Variants in THSD7B observed in about 807,000 individuals in gnomAD.
The protein encoded by THSD7B is thrombospondin type-1 domain-containing protein 7B.
THSD7B carries 138 observed loss-of-function variants against 213.6 expected under a neutral mutation model. That is an observed-to-expected ratio of 0.65 (90% confidence interval 0.56 to 0.74). The LOEUF (loss-of-function observed/expected upper bound fraction) is 0.74. Ranked by LOEUF, THSD7B falls within the 30% of genes least tolerant of loss-of-function variation. The pLI is 0.00. For synonymous variants in THSD7B, 742 were observed against 687.0 expected (o/e 1.08, Z -1.25); for missense variants, 1,931 against 1,991.5 (o/e 0.97, Z 0.58).
chr2:137,092,321 G>A (rs1016495629), intron 3 of THSD7B, among the ~76,000 whole-genome samples: 2 of 152,044 alleles, frequency 1.3e-5, no homozygotes, highest in South Asian at 2.1e-4. Context: ...ACTGAGGTGG[G>A]AGGATCACCT....
intron 1 of THSD7B, among the ~76,000 whole-genome samples, chr2:136,805,012 A>G (rs2710176): frequency 0.032 from 4,864 of 152,272 alleles, 251 homozygotes; most frequent in African/African-American, 0.11. Flanking sequence ...GAATTGAATG[A>G]TGTTCACATA....
chr2:137,392,032 G>A (rs1462002498), intron 12 of THSD7B, among the ~76,000 whole-genome samples: 1 of 152,040 alleles, frequency 6.6e-6, no homozygotes, highest in Non-Finnish European at 1.5e-5. Context: ...TTGTTTAATT[G>A]CCATGTATTT....
intron 2 of THSD7B, among the ~76,000 whole-genome samples, chr2:136,979,837 A>G (rs1016032115): frequency 6.6e-6 from 1 of 152,276 alleles, no homozygotes; most frequent in Non-Finnish European, 1.5e-5. Flanking sequence ...CATTTGGAGA[A>G]GAGACACTCT....
At chr2:136,836,272 A>G (rs528425679) in intron 1 of THSD7B, among the ~76,000 whole-genome samples, 1 of 152,322 alleles carries the variant, frequency 6.6e-6, no homozygotes, top group African/African-American at 2.4e-5. Context: ...CTCCAACTAC[A>G]AATTGAACAA....
At chr2:136,876,874 A>T (rs1434045919) in intron 1 of THSD7B, among the ~76,000 whole-genome samples, 1 of 152,120 alleles carries the variant, frequency 6.6e-6, no homozygotes, top group Non-Finnish European at 1.5e-5. Context: ...ATGGGTAAAC[A>T]CATGTGTTTG....
At chr2:136,804,196 T>C (rs1033416695) in intron 1 of THSD7B, among the ~76,000 whole-genome samples, 1 of 152,228 alleles carries the variant, frequency 6.6e-6, no homozygotes, top group African/African-American at 2.4e-5. Context: ...GCCTTGGTCA[T>C]GTATAGCTGT....
chr2:137,398,676 C>A (rs1046020438), intron 12 of THSD7B, among the ~76,000 whole-genome samples: 1 of 152,156 alleles, frequency 6.6e-6, no homozygotes, highest in Non-Finnish European at 1.5e-5. Flanking sequence ...CCTCCTTGAG[C>A]TGTGGTGGGC....
intron 2 of THSD7B, 75 bp from the exon 3 acceptor site, chr2:137,056,345 A>T (rs995667341): frequency 1.4e-6 from 2 of 1,428,678 alleles, no homozygotes; most frequent in African/African-American, 2.8e-5. Context: ...AAAGTGTGTT[A>T]ATTGACTTCT....
At chr2:137,029,527 C>G (rs578260665) in intron 2 of THSD7B, among the ~76,000 whole-genome samples, 3 of 152,192 alleles carry the variant, frequency 2.0e-5, no homozygotes, top group South Asian at 2.1e-4. Context: ...GATATACAAA[C>G]ATACTTGTCA....
At chr2:137,024,758 C>T (rs10928588) in intron 2 of THSD7B, among the ~76,000 whole-genome samples, 10,782 of 152,072 alleles carry the variant, frequency 0.071, 778 homozygotes, top group East Asian at 0.21. Context: ...TAGTTTTCTT[C>T]ATCTCATCAA....
intron 1 of THSD7B, among the ~76,000 whole-genome samples, chr2:136,766,514 G>T (rs900713143): frequency 2.0e-5 from 3 of 152,042 alleles, no homozygotes; most frequent in Non-Finnish European, 4.4e-5. Flanking sequence ...ATAAGCAAAT[G>T]AACCCCGCTC....
At position 137,411,673 on chromosome 2, in the gene THSD7B, A is replaced by G; in HGVS notation, c.2760A>G (p.Leu920=). ...TTTACCCTCTAGTGGAGACAGAACT[A>G]TGTCCTTGTGATGAATTTATATCCC... ...SDLYPLVETE[L]CPCDEFISQP... The change falls in exon 14 of 28, where the codon CTA becomes CTG. Residue 920 remains leucine, a synonymous_variant. Coordinates refer to ENST00000409968, the MANE Select transcript of THSD7B (RefSeq NM_001316349.2). 1 of 1,613,994 alleles carries G rather than the reference A, an allele frequency of 6.2e-7. No homozygotes were observed. Among genetic ancestry groups the G allele is most frequent in the Non-Finnish European group, 8.5e-7 (1 of 1,179,898 alleles).
intron 24 of THSD7B, among the ~76,000 whole-genome samples, chr2:137,657,565 A>G (rs1295915674): frequency 6.6e-6 from 1 of 152,236 alleles, no homozygotes; most frequent in Non-Finnish European, 1.5e-5. Context: ...AGGTTAATAA[A>G]GACAAAATTT....
intron 21 of THSD7B, among the ~76,000 whole-genome samples, chr2:137,648,405 G>A (rs1252032675): frequency 2.0e-5 from 3 of 151,934 alleles, no homozygotes; most frequent in African/African-American, 7.3e-5. Context: ...CCTTGCCTCT[G>A]GTAACTACCA....
rs369841178 is a variant in THSD7B, at chr2:137,583,378, G to A, written c.3423+10822G>A. The stretch of plus-strand genomic sequence containing the variant: ...TTTGTCAATTTTGGCTTTTGTTGCC[G>A]TTGTTTTTGGTGTTTTAGACACGAA... On this transcript the variant is annotated intron_variant, in intron 17 of 27. Transcript: ENST00000409968. Among the ~76,000 whole-genome samples, 595 of 152,210 alleles carry A rather than the reference G, an allele frequency of 3.9e-3. 2 individuals carry two copies. Among genetic ancestry groups the A allele is most frequent in the African/African-American group, 0.013 (545 of 41,548 alleles).
At chr2:137,256,921 TG>T (rs1327811944) in intron 10 of THSD7B, among the ~76,000 whole-genome samples, 3 of 152,174 alleles carry the variant, frequency 2.0e-5, no homozygotes, top group Non-Finnish European at 2.9e-5. Flanking sequence ...TTCTGGAGAC[TG>T]GGAAGTTCAA....
intron 1 of THSD7B, among the ~76,000 whole-genome samples, chr2:136,844,692 A>T (rs1226154117): frequency 1.3e-5 from 2 of 152,180 alleles, no homozygotes; most frequent in Admixed American, 1.3e-4. Context: ...CTCCTTCAGG[A>T]AGGAAGCAGC....
intron 5 of THSD7B, among the ~76,000 whole-genome samples, chr2:137,115,725 T>C (rs187886471): frequency 1.3e-5 from 2 of 152,302 alleles, no homozygotes; most frequent in African/African-American, 4.8e-5. Flanking sequence ...ATCCAGGGTT[T>C]TGTCGCCAAG....
At chr2:136,780,889 C>T (rs901453058) in intron 1 of THSD7B, among the ~76,000 whole-genome samples, 12 of 152,178 alleles carry the variant, frequency 7.9e-5, no homozygotes, top group Admixed American at 5.2e-4. Flanking sequence ...CCCACACTTC[C>T]ACCCATAATT....
Sources: gnomAD v4.1 joint callset for allele counts (sites outside exome capture counted in the v4.1 genomes callset) on GRCh38, gnomAD v4.1.1 for gene constraint, MANE v1.5 for transcripts, NCBI Gene and HGNC (gene_info 2026-07-23, HGNC 2026-07-21) for gene names.